EEF2K: variants seen among roughly 807,000 people sequenced by gnomAD.
EEF2K encodes alternative protein EEF2K.
A neutral mutation model predicts 93.8 loss-of-function variants in EEF2K; 70 were observed. The observed-to-expected ratio is 0.75, with a 90% confidence interval of 0.62 to 0.91. The LOEUF (loss-of-function observed/expected upper bound fraction) is 0.91. Among genes scored for constraint, EEF2K ranks in the 40% least tolerant of loss-of-function variants. The pLI is 0.00. For missense variants in EEF2K, 935 were observed against 972.9 expected (o/e 0.96, Z 0.52); for synonymous variants, 376 against 380.8 (o/e 0.99, Z 0.15).
chr16:22,243,408 T>G (rs1486827181), intron 2 of EEF2K, among the ~76,000 whole-genome samples: 2 of 151,698 alleles, frequency 1.3e-5, no homozygotes, highest in African/African-American at 4.8e-5. Context: ...TGTGCCACCA[T>G]GCCCAGCTAA....
At chr16:22,266,666 G>A (rs562530213) in intron 14 of EEF2K, 22 bp from the exon 15 acceptor site, 23 of 1,593,626 alleles carry the variant, frequency 1.4e-5, no homozygotes, top group Admixed American at 6.8e-5. Flanking sequence ...CAGCCAGGCC[G>A]ACACCGTAGT....
At position 22,273,618 on chromosome 16, in the gene EEF2K, A is replaced by G. The variant is rs1182827694; in HGVS notation, c.1765-8A>G. 5 of 1,613,726 alleles carry G rather than the reference A, an allele frequency of 3.1e-6. No individual in the cohort carries two copies. In the African/African-American group the frequency reaches 4.0e-5, roughly 13 times the overall value. On this transcript the variant is annotated splice_region_variant and splice_polypyrimidine_tract_variant and intron_variant, in intron 15 of 17. Coordinates refer to ENST00000263026, the MANE Select transcript of EEF2K (RefSeq NM_013302.5). ...TCTTCTTTCTCCCTCTTTGGTTTGT[A>G]TCAACAGGAGACAGAAGAGAACAAA...
At chr16:22,239,879 C>T (rs919183426) in intron 2 of EEF2K, among the ~76,000 whole-genome samples, 11 of 151,922 alleles carry the variant, frequency 7.2e-5, no homozygotes, top group Non-Finnish European at 1.6e-4. Context: ...CCGAGGCAGG[C>T]GGATCACAAG....
rs767238470 is a variant in EEF2K, at chr16:22,283,991, G to C, written c.2173G>C (p.Glu725Gln). 7.0e-6 allele frequency: 11 copies of C among 1,572,490 alleles called. No individual in the cohort carries two copies. Among genetic ancestry groups the C allele is most frequent in the Non-Finnish European group, 8.6e-6 (10 of 1,158,434 alleles). Reference sequence around the variant, plus strand: ...TGAAGAGGCCTGGGCCCAGATGGAGGAGTAACCAGGAAAATCACTGCCGGC... The same window carrying C: ...TGAAGAGGCCTGGGCCCAGATGGAGCAGTAACCAGGAAAATCACTGCCGGC... ...KAEEAWAQMEE is the reference protein window; with the variant it reads ...KAEEAWAQMEQ The change falls in exon 18 of 18, where the codon GAG becomes CAG. Residue 725 changes from glutamate (E) to glutamine (Q), a missense_variant. By Grantham distance (29) the Glu-to-Gln change is conservative. Coordinates refer to ENST00000263026, the MANE Select transcript of EEF2K (RefSeq NM_013302.5).
At chr16:22,230,978 C>A (rs996908579) in intron 2 of EEF2K, among the ~76,000 whole-genome samples, 2 of 151,636 alleles carry the variant, frequency 1.3e-5, no homozygotes, top group Admixed American at 6.6e-5. Context: ...TGTGTGTGTG[C>A]AAATCCATAA....
chr16:22,263,329 C>T, intron 12 of EEF2K, 142 bp downstream of exon 12: 1 of 710,518 alleles, frequency 1.4e-6, no homozygotes, highest in Non-Finnish European at 2.1e-6. Flanking sequence ...GTATTTCAGG[C>T]CGGTCATGGT....
intron 17 of EEF2K, among the ~76,000 whole-genome samples, chr16:22,281,650 C>T (rs564132120): frequency 3.3e-5 from 5 of 152,156 alleles, no homozygotes; most frequent in African/African-American, 1.2e-4. Context: ...CAGTCCTCCC[C>T]GAACCTAGCA....
At chr16:22,250,414 T>C (rs2047338172) in intron 4 of EEF2K, among the ~76,000 whole-genome samples, 2 of 152,136 alleles carry the variant, frequency 1.3e-5, no homozygotes, top group Non-Finnish European at 2.9e-5. Flanking sequence ...CCCCGTGGAT[T>C]CTTCCCCTCA....
At chr16:22,243,451 C>T (rs973446613) in intron 2 of EEF2K, among the ~76,000 whole-genome samples, 1 of 151,558 alleles carries the variant, frequency 6.6e-6, no homozygotes, top group African/African-American at 2.4e-5. Flanking sequence ...AGGGTTTCAC[C>T]GTGTTGGCCA....
intron 1 of EEF2K, among the ~76,000 whole-genome samples, chr16:22,216,054 G>A (rs925965787): frequency 6.6e-6 from 1 of 152,208 alleles, no homozygotes; most frequent in Non-Finnish European, 1.5e-5. Context: ...CAGCCCACCT[G>A]ACAAGTCTAT....
At chr16:22,276,924 C>T (rs1483396406) in intron 16 of EEF2K, among the ~76,000 whole-genome samples, 3 of 151,984 alleles carry the variant, frequency 2.0e-5, no homozygotes, top group Non-Finnish European at 4.4e-5. Flanking sequence ...AGTGTGATGG[C>T]AGATGCTTGT....
intron 2 of EEF2K, among the ~76,000 whole-genome samples, chr16:22,233,327 G>T (rs1457208509): frequency 3.3e-5 from 5 of 152,080 alleles, no homozygotes; most frequent in Admixed American, 2.0e-4. Flanking sequence ...TCTAGAATAA[G>T]CATAGGGAGC....
rs1362690486 is a variant in EEF2K, at chr16:22,257,286, C to T, written c.802C>T (p.His268Tyr). 6.2e-7 allele frequency: 1 copy of T among 1,614,118 alleles called. No homozygotes were observed. Among genetic ancestry groups the T allele is most frequent in the Non-Finnish European group, 8.5e-7 (1 of 1,180,024 alleles). Residue 268 changes from histidine (H) to tyrosine (Y), a missense_variant, in exon 8 of 18, where the codon CAT (histidine) becomes TAT (tyrosine). Coordinates refer to ENST00000263026, the MANE Select transcript of EEF2K (RefSeq NM_013302.5). ...CCACTTCACTTTTGAGCGTTCCGGC[C>T]ATCAGCTGATAGTGGTGGACATCCA... ...FSHFTFERSG[H>Y]QLIVVDIQGV...
intron 3 of EEF2K, among the ~76,000 whole-genome samples, chr16:22,245,246 C>T (rs143331354): frequency 2.5e-4 from 38 of 152,146 alleles, no homozygotes; most frequent in African/African-American, 8.0e-4. Context: ...CCAACCTGGG[C>T]GTCAGAGTAA....
At chr16:22,255,331 G>T (rs902316878) in intron 6 of EEF2K, among the ~76,000 whole-genome samples, 1 of 152,188 alleles carries the variant, frequency 6.6e-6, no homozygotes, top group African/African-American at 2.4e-5. Flanking sequence ...GTGGCTTGGG[G>T]TAGGCTTGTT....
chr16:22,250,116 G>C (rs1014820523), intron 4 of EEF2K, among the ~76,000 whole-genome samples: 2 of 151,940 alleles, frequency 1.3e-5, no homozygotes, highest in Non-Finnish European at 2.9e-5. Context: ...TTGCTATGTT[G>C]CCCAGGCTGG....
At chr16:22,211,080 G>A (rs773389652) in intron 1 of EEF2K, among the ~76,000 whole-genome samples, 1 of 152,166 alleles carries the variant, frequency 6.6e-6, no homozygotes, top group African/African-American at 2.4e-5. Context: ...GGAAATGTCC[G>A]TGGCCAGGCA....
chr16:22,251,014 T>C (rs1170250824), intron 5 of EEF2K, 137 bp from the exon 6 acceptor site: 69 of 1,078,328 alleles, frequency 6.4e-5, no homozygotes, highest in Non-Finnish European at 3.7e-5. Flanking sequence ...GGGACGTCCT[T>C]CTTACCTCCT....
At chr16:22,267,602 A>G (rs1335699921) in intron 15 of EEF2K, among the ~76,000 whole-genome samples, 1 of 152,040 alleles carries the variant, frequency 6.6e-6, no homozygotes, top group Non-Finnish European at 1.5e-5. Flanking sequence ...CTCCAAAAAA[A>G]AAAAAAATTG....
Sources: gnomAD v4.1 joint callset for allele counts (sites outside exome capture counted in the v4.1 genomes callset) on GRCh38, gnomAD v4.1.1 for gene constraint, MANE v1.5 for transcripts, NCBI Gene and HGNC (gene_info 2026-07-23, HGNC 2026-07-21) for gene names.